F2RL1: variants seen among roughly 807,000 people sequenced by gnomAD.
The protein encoded by F2RL1 is F2R like trypsin receptor 1.
Under a neutral mutation model 21.7 loss-of-function variants are expected in F2RL1, and 16 were observed. That is an observed-to-expected ratio of 0.74 (90% confidence interval 0.50 to 1.12). F2RL1 has a LOEUF of 1.12. Among genes scored for constraint, F2RL1 ranks in the 50% most tolerant of loss-of-function variants. The pLI is 0.00. For synonymous variants in F2RL1, 181 were observed against 186.7 expected (o/e 0.97, Z 0.25); for missense variants, 432 against 477.8 (o/e 0.90, Z 0.89).
At chr5:76,829,488 T>C (rs2243050) in intron 1 of F2RL1, among the ~76,000 whole-genome samples, 2,541 of 152,300 alleles carry the variant, frequency 0.017, 45 homozygotes, top group African/African-American at 0.056. Context: ...TTTTACTGAC[T>C]ACATTTGTGG....
rs142271741 is a variant in F2RL1 at position 76,822,286 on chromosome 5, C to T, written c.82+3022C>T. Among the ~76,000 whole-genome samples the T allele has an allele frequency of 4.5e-3, 679 of 152,190 alleles. 3 individuals are homozygous for T. Among genetic ancestry groups the T allele is most frequent in the Non-Finnish European group, 7.4e-3 (505 of 68,012 alleles). ...AGGCTGTAGTGCAGTGGCACGATCT[C>T]GGCTCACTGCAACCTCTGCCTCCCA... On this transcript the variant is annotated intron_variant, in intron 1 of 1. Transcript: ENST00000296677.
At chr5:76,823,815 T>TTC (rs1200924209) in intron 1 of F2RL1, among the ~76,000 whole-genome samples, 1 of 147,290 alleles carries the variant, frequency 6.8e-6, no homozygotes, top group Admixed American at 6.8e-5. Context: ...TGTACAAACT[T>TTC]TTTTTTTTTT....
chr5:76,824,648 T>C (rs1448093817), intron 1 of F2RL1, among the ~76,000 whole-genome samples: 1 of 152,092 alleles, frequency 6.6e-6, no homozygotes. Context: ...CCCTTTTTGA[T>C]AGATGTTGAA....
intron 1 of F2RL1, among the ~76,000 whole-genome samples, chr5:76,822,453 A>G (rs1750156471): frequency 6.6e-6 from 1 of 152,056 alleles, no homozygotes; most frequent in Non-Finnish European, 1.5e-5. Context: ...CCTGACCTCA[A>G]GTGATCCACC....
At chr5:76,829,829 T>C (rs1750318769) in intron 1 of F2RL1, among the ~76,000 whole-genome samples, 1 of 152,192 alleles carries the variant, frequency 6.6e-6, no homozygotes, top group Non-Finnish European at 1.5e-5. Flanking sequence ...ACTGGGTTAG[T>C]ATGTGGAATA....
At chr5:76,830,741 G>C (rs1186702884) in intron 1 of F2RL1, among the ~76,000 whole-genome samples, 2 of 152,094 alleles carry the variant, frequency 1.3e-5, no homozygotes, top group Non-Finnish European at 2.9e-5. Context: ...TCTTTTGGGG[G>C]CACCACCTTT....
rs1375069791 is a variant in F2RL1 at position 76,827,296 on chromosome 5, A to G, written c.83-5394A>G. 2.8e-5 allele frequency among the ~76,000 whole-genome samples: 4 copies of G among 144,872 alleles called. No individual in the cohort carries two copies. The East Asian group carries it at 6.2e-4, about 23-fold the overall frequency. ...GGAGATCGAGACCATCCTGGCTAAC[A>G]CTGTGAAACCCCATCTCTACTAAAA... On this transcript the variant is annotated intron_variant, in intron 1 of 1. Transcript: ENST00000296677.
chr5:76,820,248 T>C (rs577021131), intron 1 of F2RL1, among the ~76,000 whole-genome samples: 62 of 152,176 alleles, frequency 4.1e-4, no homozygotes, highest in Non-Finnish European at 7.9e-4. Flanking sequence ...GTGGGGGATG[T>C]TTGACCTGCG....
chr5:76,824,942 C>A (rs1750211457), intron 1 of F2RL1, among the ~76,000 whole-genome samples: 1 of 151,858 alleles, frequency 6.6e-6, no homozygotes, highest in African/African-American at 2.4e-5. Flanking sequence ...ACAGAGCCAG[C>A]CACTTTTTAT....
At chr5:76,822,859 C>G (rs1259220889) in intron 1 of F2RL1, among the ~76,000 whole-genome samples, 2 of 152,068 alleles carry the variant, frequency 1.3e-5, no homozygotes, top group African/African-American at 4.8e-5. Context: ...AGAACTAATG[C>G]AAGTAAAGTG....
intron 1 of F2RL1, among the ~76,000 whole-genome samples, chr5:76,825,041 T>A (rs1027542601): frequency 6.8e-6 from 1 of 147,294 alleles, no homozygotes; most frequent in Non-Finnish European, 1.5e-5. Flanking sequence ...AGAGTCTCAC[T>A]CTGTTGCCAG....
chr5:76,821,849 G>A (rs956361752), intron 1 of F2RL1, among the ~76,000 whole-genome samples: 1 of 151,942 alleles, frequency 6.6e-6, no homozygotes, highest in African/African-American at 2.4e-5. Context: ...CCAAAGTGCT[G>A]GGATTACAGG....
Position 76,833,482 on chromosome 5 carries a change from T to G in F2RL1, c.875T>G (p.Val292Gly). 6.2e-7 allele frequency: 1 copy of G among 1,613,908 alleles called. No individual in the cohort carries two copies. The highest frequency in any genetic ancestry group is 8.5e-7 in the Non-Finnish European group (1 of 1,180,000). Residue 292 changes from valine (V) to glycine (G), a missense_variant, in exon 2 of 2, where the codon GTC becomes GGC. Coordinates refer to ENST00000296677, the MANE Select transcript of F2RL1 (RefSeq NM_005242.6). ...AGGGCCATCAAACTCATTGTCACTGTCCTGGCCATGTACCTGATCTGCTTC... is the reference window on the plus strand; with the variant it reads ...AGGGCCATCAAACTCATTGTCACTGGCCTGGCCATGTACCTGATCTGCTTC... ...RKRAIKLIVT[V>G]LAMYLICFTP...
rs529087836 is a variant in F2RL1 at position 76,827,259 on chromosome 5, A to G, written c.83-5431A>G. On this transcript the variant is annotated intron_variant, in intron 1 of 1. Coordinates refer to ENST00000296677, the MANE Select transcript of F2RL1 (RefSeq NM_005242.6). ...CACTTTGGGAGGCCGAGGTGGGCGG[A>G]TCACAAGGTCAGGAGATCGAGACCA... Among the ~76,000 whole-genome samples, 28 of 148,624 alleles carry G rather than the reference A, an allele frequency of 1.9e-4. 1 individual carries two copies. In the East Asian group the frequency reaches 5.5e-3, roughly 29 times the overall value.
rs529258002 is a variant in F2RL1 at position 76,832,926 on chromosome 5, A to C, written c.319A>C (p.Lys107Gln). The C allele has an allele frequency of 2.8e-5, 45 of 1,614,226 alleles. No individual in the cohort carries two copies. In the Middle Eastern group the frequency reaches 2.1e-3, roughly 77 times the overall value. The change falls in exon 2 of 2, where the codon AAG (lysine) becomes CAG (glutamine). Residue 107 changes from lysine (K) to glutamine (Q), a missense_variant. Coordinates refer to ENST00000296677, the MANE Select transcript of F2RL1 (RefSeq NM_005242.6). ...LWVFLFRTKK[K>Q]HPAVIYMANL... ...GGTCTTTCTTTTCCGAACTAAGAAGAAGCACCCTGCTGTGATTTACATGGC... is the reference window on the plus strand; with the variant it reads ...GGTCTTTCTTTTCCGAACTAAGAAGCAGCACCCTGCTGTGATTTACATGGC...
chr5:76,822,832 G>C (rs1750163191), intron 1 of F2RL1, among the ~76,000 whole-genome samples: 1 of 152,186 alleles, frequency 6.6e-6, no homozygotes, highest in Non-Finnish European at 1.5e-5. Flanking sequence ...TCATAGAGAA[G>C]AGAGGGTGAA....
At chr5:76,826,741 G>C (rs891688563) in intron 1 of F2RL1, among the ~76,000 whole-genome samples, 2 of 151,968 alleles carry the variant, frequency 1.3e-5, no homozygotes, top group Non-Finnish European at 2.9e-5. Context: ...CCTGACCTCA[G>C]GTGATCTGCC....
At chr5:76,827,055 T>G (rs1427496795) in intron 1 of F2RL1, among the ~76,000 whole-genome samples, 2 of 151,882 alleles carry the variant, frequency 1.3e-5, no homozygotes, top group Non-Finnish European at 2.9e-5. Flanking sequence ...TCTGCTCTGT[T>G]GCCCAGGCTT....
At position 76,819,148 on chromosome 5, in the gene F2RL1, T is replaced by G; in HGVS notation, c.-35T>G. The G allele has an allele frequency of 6.5e-7, 1 of 1,541,298 alleles. No homozygotes were observed. ...TGAGTTTCGAATCGGCGGCGGCGGA[T>G]TCCCCGCGCGCCCGGCGTCGGGGCT... On this transcript the variant is annotated 5_prime_UTR_variant, in exon 1 of 2. Coordinates refer to ENST00000296677, the MANE Select transcript of F2RL1 (RefSeq NM_005242.6).
Sources: gnomAD v4.1 joint callset for allele counts (sites outside exome capture counted in the v4.1 genomes callset) on GRCh38, gnomAD v4.1.1 for gene constraint, MANE v1.5 for transcripts, NCBI Gene and HGNC (gene_info 2026-07-23, HGNC 2026-07-21) for gene names.